Variants in ROBO2 observed in about 807,000 individuals in gnomAD.
ROBO2 encodes roundabout guidance receptor 2.
Under a neutral mutation model 160.8 loss-of-function variants are expected in ROBO2, and 53 were observed. The ratio of observed to expected loss-of-function variants is 0.33; its 90% CI spans 0.26 to 0.41. ROBO2 has a LOEUF of 0.41. Among genes scored for constraint, ROBO2 ranks in the 10% least tolerant of loss-of-function variants. The pLI, the probability that ROBO2 is intolerant of heterozygous loss-of-function variation, is 1.00. For missense variants in ROBO2, 1,577 were observed against 1,722.4 expected, an observed-to-expected ratio of 0.92 and a Z score of 1.49; for synonymous variants, 664 against 611.7, an observed-to-expected ratio of 1.09 and a Z score of -1.26.
chr3:77,391,072 C>T (rs573076432), intron 2 of ROBO2, among the ~76,000 whole-genome samples: 15 of 152,038 alleles, frequency 9.9e-5, no homozygotes, highest in Non-Finnish European at 2.1e-4. Flanking sequence ...ATTAATTCCA[C>T]TCCCAGGTTC....
intron 2 of ROBO2, among the ~76,000 whole-genome samples, chr3:77,235,902 C>A (rs2087903447): frequency 6.6e-6 from 1 of 152,194 alleles, no homozygotes; most frequent in African/African-American, 2.4e-5. Context: ...ACATTTGTTA[C>A]AACTGATGGA....
intron 2 of ROBO2, among the ~76,000 whole-genome samples, chr3:76,847,887 A>AT (rs1231457309): frequency 5.3e-5 from 8 of 152,070 alleles, no homozygotes; most frequent in Non-Finnish European, 7.4e-5. Flanking sequence ...TACTGTTTTA[A>AT]TATTAAATAT....
intron 2 of ROBO2, among the ~76,000 whole-genome samples, chr3:76,630,449 A>G (rs1180778548): frequency 6.9e-6 from 1 of 145,132 alleles, no homozygotes; most frequent in African/African-American, 2.9e-5. Context: ...AATGTTTAAT[A>G]TTAGACATGT....
At chr3:76,462,346 G>A (rs916144114) in intron 2 of ROBO2, among the ~76,000 whole-genome samples, 2 of 151,852 alleles carry the variant, frequency 1.3e-5, no homozygotes, top group Non-Finnish European at 2.9e-5. Flanking sequence ...AGAAACATTC[G>A]AGCGATTTTT....
At chr3:77,264,513 A>G (rs1296142058) in intron 2 of ROBO2, among the ~76,000 whole-genome samples, 2 of 151,680 alleles carry the variant, frequency 1.3e-5, no homozygotes, top group African/African-American at 4.8e-5. Flanking sequence ...CCATCAGAGG[A>G]ATGTTAACTG....
chr3:76,485,968 T>C (rs1313837960), intron 2 of ROBO2, among the ~76,000 whole-genome samples: 1 of 152,210 alleles, frequency 6.6e-6, no homozygotes, highest in Non-Finnish European at 1.5e-5. Flanking sequence ...AAGAATTATA[T>C]GAGATGTCAC....
At chr3:76,308,619 T>G (rs1358726788) in intron 2 of ROBO2, among the ~76,000 whole-genome samples, 1 of 152,186 alleles carries the variant, frequency 6.6e-6, no homozygotes. Context: ...TCCTTCAGAT[T>G]GTACTCTTGT....
chr3:76,271,879 C>A (rs772225503), intron 2 of ROBO2, among the ~76,000 whole-genome samples: 175 of 152,108 alleles, frequency 1.2e-3, no homozygotes, highest in Non-Finnish European at 1.8e-3. Context: ...TCTGAAGTGA[C>A]AAACTTGCTT....
chr3:77,632,630 T>C, intron 23 of ROBO2: 1 of 1,535,484 alleles, frequency 6.5e-7, no homozygotes, highest in Middle Eastern at 1.7e-4. Context: ...GGTTTTAGGC[T>C]GGATGGAACC....
At chr3:77,130,911 G>A (rs528526785) in intron 2 of ROBO2, among the ~76,000 whole-genome samples, 32 of 152,232 alleles carry the variant, frequency 2.1e-4, no homozygotes, top group African/African-American at 7.0e-4. Flanking sequence ...AGTATGGTTA[G>A]CATTACGTTG....
At chr3:76,846,906 C>A (rs1161154735) in intron 2 of ROBO2, among the ~76,000 whole-genome samples, 1 of 152,082 alleles carries the variant, frequency 6.6e-6, no homozygotes, top group African/African-American at 2.4e-5. Flanking sequence ...TTGTGATTCA[C>A]ATCTTTCCTG....
At chr3:77,204,912 GC>G (rs1442307403) in intron 2 of ROBO2, among the ~76,000 whole-genome samples, 1 of 152,208 alleles carries the variant, frequency 6.6e-6, no homozygotes, top group Non-Finnish European at 1.5e-5. Flanking sequence ...CCCTTGCGGG[GC>G]CTGTGACAGG....
intron 2 of ROBO2, among the ~76,000 whole-genome samples, chr3:77,395,335 C>A (rs773941440): frequency 6.6e-6 from 1 of 152,078 alleles, no homozygotes; most frequent in Non-Finnish European, 1.5e-5. Flanking sequence ...GGTGGGGGAA[C>A]AGCAGGTAGC....
chr3:77,626,221 C>T (rs1016921899), intron 23 of ROBO2, among the ~76,000 whole-genome samples: 2 of 152,108 alleles, frequency 1.3e-5, no homozygotes, highest in South Asian at 4.1e-4. Context: ...TTTTCTCTCT[C>T]GAAACATTAG....
intron 2 of ROBO2, among the ~76,000 whole-genome samples, chr3:76,706,640 G>T (rs2093168551): frequency 6.6e-6 from 1 of 151,934 alleles, no homozygotes; most frequent in South Asian, 2.1e-4. Context: ...TATGGGGAAA[G>T]AAATAATAGA....
intron 2 of ROBO2, among the ~76,000 whole-genome samples, chr3:76,611,783 A>C (rs2109087496): frequency 6.6e-6 from 1 of 151,740 alleles, no homozygotes; most frequent in Non-Finnish European, 1.5e-5. Flanking sequence ...AATCTTTCTT[A>C]TTTCTTTTCT....
Position 76,245,258 on chromosome 3 carries a change from C to T in ROBO2, c.109+307656C>T, listed in dbSNP as rs79055015. 1.2e-4 allele frequency among the ~76,000 whole-genome samples: 19 copies of T among 152,300 alleles called. No homozygotes were observed. In the East Asian group the frequency reaches 3.7e-3, roughly 29 times the overall value. On this transcript the variant is annotated intron_variant, in intron 2 of 26. Coordinates refer to the ROBO2 transcript ENST00000487694. ...AAATATGTGGGTTAAGTGGGAAGGT[C>T]GGCCAGAGCTTGAACCCTTTTGGGG...
At chr3:76,843,765 A>T (rs2068518892) in intron 2 of ROBO2, among the ~76,000 whole-genome samples, 1 of 150,100 alleles carries the variant, frequency 6.7e-6, no homozygotes, top group African/African-American at 2.4e-5. Context: ...TCCCCAGGTG[A>T]TTTGTCTATA....
At chr3:77,642,292 G>T (rs1283207068) in intron 24 of ROBO2, among the ~76,000 whole-genome samples, 2 of 152,256 alleles carry the variant, frequency 1.3e-5, no homozygotes, top group South Asian at 2.1e-4. Flanking sequence ...TGTTAGTACA[G>T]CTTCAGGAAT....
Sources: allele counts gnomAD v4.1 joint callset (sites outside exome capture counted in the v4.1 genomes callset), GRCh38; gene constraint gnomAD v4.1.1; transcripts MANE v1.5; gene names NCBI Gene and HGNC (gene_info 2026-07-23, HGNC 2026-07-21).